LNX1: variants seen among roughly 807,000 people sequenced by gnomAD.
LNX1 encodes ligand of numb-protein X 1.
LNX1 carries 54 observed loss-of-function variants against 68.4 expected under a neutral mutation model. The observed-to-expected ratio is 0.79, with a 90% CI of 0.63 to 0.99. The LOEUF is 0.99. Ranked by LOEUF, LNX1 falls within the 50% of genes least tolerant of loss-of-function variation. The pLI is 0.00. For synonymous variants in LNX1, 336 were observed against 350.0 expected, an observed-to-expected ratio of 0.96 and a Z score of 0.45; for missense variants, 906 against 926.4, an observed-to-expected ratio of 0.98 and a Z score of 0.29.
Position 53,573,818 on chromosome 4 carries a change from G to A in LNX1, c.185C>T (p.Thr62Ile). Residue 62 changes from threonine (T) to isoleucine (I), a missense_variant, in exon 2 of 11, where the codon ACC (threonine) becomes ATC (isoleucine). Coordinates refer to ENST00000263925, the MANE Select transcript of LNX1 (RefSeq NM_001126328.3). ...CACCAGGAAGTTGGTGAGGCAGAGG[G>A]TGCAGTAGGTGTGTCCACACGGAGT... ...LDTPCGHTYC[T>I]LCLTNFLVEK... is the part of the protein sequence containing the mutation. 6.2e-7 allele frequency: 1 copy of A among 1,613,458 alleles called. No individual in the cohort carries two copies.
At chr4:53,643,455 C>G (rs1030437838) in intron 1 of LNX1, among the ~76,000 whole-genome samples, 1 of 151,980 alleles carries the variant, frequency 6.6e-6, no homozygotes, top group Non-Finnish European at 1.5e-5. Context: ...GGTCAAGAAA[C>G]CTTGGTCTTT....
chr4:53,553,972 G>A (rs1415127413), intron 2 of LNX1, among the ~76,000 whole-genome samples: 4 of 152,170 alleles, frequency 2.6e-5, no homozygotes, highest in African/African-American at 7.2e-5. Flanking sequence ...TAAGGAATCC[G>A]GGAGTAGCCA....
chr4:53,567,288 A>G (rs1730766431), intron 2 of LNX1, among the ~76,000 whole-genome samples: 2 of 147,422 alleles, frequency 1.4e-5, no homozygotes, highest in African/African-American at 2.5e-5. Context: ...AAATTATAAC[A>G]AACTATCTCT....
intron 2 of LNX1, among the ~76,000 whole-genome samples, chr4:53,605,143 G>A (rs1178815120): frequency 6.6e-6 from 1 of 152,130 alleles, no homozygotes; most frequent in Non-Finnish European, 1.5e-5. Flanking sequence ...AGATGAAAAG[G>A]GATGGAGAAA....
At chr4:53,575,657 GTA>G in intron 1 of LNX1, 1 of 1,360,926 alleles carries the variant, frequency 7.3e-7, no homozygotes, top group Admixed American at 2.8e-5. Flanking sequence ...CTGGCACCAG[GTA>G]TCTGCATCTG....
intron 2 of LNX1, among the ~76,000 whole-genome samples, chr4:53,597,527 T>C (rs898085914): frequency 3.3e-5 from 5 of 152,178 alleles, no homozygotes; most frequent in African/African-American, 1.2e-4. Flanking sequence ...TCTCTGTCCC[T>C]GGGAGTCCTT....
chr4:53,566,639 C>A (rs1385077030), intron 2 of LNX1, among the ~76,000 whole-genome samples: 2 of 151,980 alleles, frequency 1.3e-5, no homozygotes, highest in African/African-American at 4.8e-5. Flanking sequence ...ATCAAATTCA[C>A]ACATAACACT....
chr4:53,584,802 C>G (rs776445989), intron 1 of LNX1, among the ~76,000 whole-genome samples: 1 of 152,228 alleles, frequency 6.6e-6, no homozygotes, highest in Non-Finnish European at 1.5e-5. Flanking sequence ...ATCTGAAACA[C>G]TTCCACTGAT....
At chr4:53,485,914 C>T (rs1455982802) in intron 6 of LNX1, among the ~76,000 whole-genome samples, 1 of 152,176 alleles carries the variant, frequency 6.6e-6, no homozygotes, top group Non-Finnish European at 1.5e-5. Context: ...GTCATTCCAG[C>T]AAGCAAGGAA....
chr4:53,597,755 T>C (rs1732816554), intron 2 of LNX1, among the ~76,000 whole-genome samples: 1 of 152,244 alleles, frequency 6.6e-6, no homozygotes, highest in Admixed American at 6.5e-5. Flanking sequence ...TTAGCCATTG[T>C]CATTTCAAAG....
intron 6 of LNX1, among the ~76,000 whole-genome samples, chr4:53,490,809 A>C (rs889301335): frequency 5.9e-5 from 9 of 152,256 alleles, no homozygotes; most frequent in Admixed American, 5.9e-4. Context: ...TGTGTGTTAC[A>C]AATATCACAT....
intron 2 of LNX1, among the ~76,000 whole-genome samples, chr4:53,554,718 G>C (rs1729770274): frequency 6.6e-6 from 1 of 152,158 alleles, no homozygotes; most frequent in African/African-American, 2.4e-5. Context: ...TGGGTGTGGT[G>C]GTGGGTGTCT....
intron 2 of LNX1, among the ~76,000 whole-genome samples, chr4:53,571,893 T>C (rs1430749403): frequency 6.6e-6 from 1 of 152,068 alleles, no homozygotes; most frequent in East Asian, 1.9e-4. Context: ...GCTCCTGGGC[T>C]CAAGTGATCC....
At chr4:53,645,780 G>T (rs1734862564) in intron 1 of LNX1, among the ~76,000 whole-genome samples, 1 of 152,150 alleles carries the variant, frequency 6.6e-6, no homozygotes, top group Admixed American at 6.5e-5. Flanking sequence ...TATCAGGCAT[G>T]TTGGCATCTG....
intron 1 of LNX1, among the ~76,000 whole-genome samples, chr4:53,630,322 A>G (rs1400861963): frequency 1.3e-5 from 2 of 152,220 alleles, no homozygotes; most frequent in Non-Finnish European, 2.9e-5. Flanking sequence ...CCCCCAGATC[A>G]GGATTCACGG....
Position 53,476,938 on chromosome 4 carries a change from G to A in LNX1, c.1707C>T (p.Val569=). The A allele has an allele frequency of 1.2e-6, 2 of 1,614,196 alleles. No homozygotes were observed. Among genetic ancestry groups the A allele is most frequent in the Non-Finnish European group, 1.7e-6 (2 of 1,180,028 alleles). ...LNVDGVELTE[V]SRSEAVALLK... ...ATAATGCCACTGCCTCACTCCGGCT[G>A]ACCTCTGTCAGTTCGACCCCATCCA... The change falls in exon 9 of 11, where the codon GTC becomes GTT. Residue 569 remains valine, a synonymous_variant. Coordinates refer to ENST00000263925, the MANE Select transcript of LNX1 (RefSeq NM_001126328.3).
chr4:53,501,299 T>TTGTGGGG (rs56165716), intron 4 of LNX1, among the ~76,000 whole-genome samples: 1 of 38,792 alleles, frequency 2.6e-5, no homozygotes, highest in Non-Finnish European at 6.9e-5. Flanking sequence ...TTTTTTTTTT[T>TTGTGGGG]GGGGGTGGGG....
At chr4:53,494,361 A>G (rs1724908353) in intron 6 of LNX1, among the ~76,000 whole-genome samples, 1 of 152,180 alleles carries the variant, frequency 6.6e-6, no homozygotes, top group African/African-American at 2.4e-5. Flanking sequence ...TTCTTTTTAA[A>G]TTACCCAGCC....
At chr4:53,575,996 A>T in intron 1 of LNX1, 1 of 1,562,814 alleles carries the variant, frequency 6.4e-7, no homozygotes, top group Non-Finnish European at 8.6e-7. Flanking sequence ...CTGCTCCAGC[A>T]GGCCCTCCAT....
Sources: gnomAD v4.1 joint callset for allele counts (sites outside exome capture counted in the v4.1 genomes callset) on GRCh38, gnomAD v4.1.1 for gene constraint, MANE v1.5 for transcripts, NCBI Gene and HGNC (gene_info 2026-07-23, HGNC 2026-07-21) for gene names.